STAC: variants seen among roughly 807,000 people sequenced by gnomAD.
STAC encodes the protein SH3 and cysteine-rich domain-containing protein.
In STAC, 43 loss-of-function variants were observed where a neutral mutation model predicts 48.8. The ratio of observed to expected loss-of-function variants is 0.88; its 90% CI spans 0.69 to 1.14. The LOEUF (loss-of-function observed/expected upper bound fraction) is 1.14, where lower values mean the gene tolerates loss of function less well. STAC is among the 50% of genes most tolerant of loss of function. The probability of loss-of-function intolerance (pLI) is 0.00; values close to 1 mark genes in which losing one functional copy is unlikely to be tolerated. For synonymous variants in STAC, 193 were observed against 179.5 expected, an observed-to-expected ratio of 1.07 and a Z score of -0.60; for missense variants, 497 against 504.0, an observed-to-expected ratio of 0.99 and a Z score of 0.13.
At chr3:36,445,729 A>G (rs1282328121) in intron 2 of STAC, among the ~76,000 whole-genome samples, 1 of 152,202 alleles carries the variant, frequency 6.6e-6, no homozygotes, top group Non-Finnish European at 1.5e-5. Context: ...TTAGGGAAAG[A>G]CTACCTGCTA....
chr3:36,382,589 G>A (rs1196104520), intron 1 of STAC, among the ~76,000 whole-genome samples: 1 of 152,170 alleles, frequency 6.6e-6, no homozygotes, highest in African/African-American at 2.4e-5. Flanking sequence ...AACTATGGCA[G>A]CCCATGAACC....
At chr3:36,405,865 G>C (rs560594963) in intron 1 of STAC, among the ~76,000 whole-genome samples, 2 of 152,250 alleles carry the variant, frequency 1.3e-5, no homozygotes, top group East Asian at 3.9e-4. Context: ...GACTACAGGC[G>C]CATGCCACCA....
intron 1 of STAC, among the ~76,000 whole-genome samples, chr3:36,441,857 T>C (rs1696359210): frequency 6.6e-6 from 1 of 152,228 alleles, no homozygotes; most frequent in African/African-American, 2.4e-5. Context: ...TTTTAAAATA[T>C]ATTTGTCAGC....
chr3:36,488,485 T>C (rs1047054156), intron 5 of STAC, among the ~76,000 whole-genome samples: 2 of 152,132 alleles, frequency 1.3e-5, no homozygotes, highest in Admixed American at 1.3e-4. Context: ...TTCCCAGGGG[T>C]CTGCTTTTGC....
chr3:36,436,280 T>C (rs137869452), intron 1 of STAC, among the ~76,000 whole-genome samples: 169 of 152,316 alleles, frequency 1.1e-3, no homozygotes, highest in African/African-American at 3.8e-3. Context: ...TCTCCCAACT[T>C]GTCTCCCTGT....
intron 1 of STAC, among the ~76,000 whole-genome samples, chr3:36,432,629 G>A (rs1201809716): frequency 6.6e-6 from 1 of 152,120 alleles, no homozygotes. Context: ...CTTGAGCCCA[G>A]GAGGCGGAGG....
chr3:36,502,980 A>T (rs1483065879), intron 6 of STAC, among the ~76,000 whole-genome samples: 1 of 152,232 alleles, frequency 6.6e-6, no homozygotes, highest in Non-Finnish European at 1.5e-5. Context: ...GTACATTTAC[A>T]GAGGCTCTTG....
intron 7 of STAC, among the ~76,000 whole-genome samples, 159 bp from the exon 8 acceptor site, chr3:36,505,586 TG>T (rs1184708459): frequency 6.6e-6 from 1 of 152,176 alleles, no homozygotes; most frequent in African/African-American, 2.4e-5. Flanking sequence ...TAAAAATAAA[TG>T]CAAAGTTGAC....
At chr3:36,427,570 T>C (rs1251507335) in intron 1 of STAC, among the ~76,000 whole-genome samples, 1 of 152,208 alleles carries the variant, frequency 6.6e-6, no homozygotes, top group African/African-American at 2.4e-5. Context: ...TAAGTCTACC[T>C]GGGCTTTAGA....
At chr3:36,427,442 T>C (rs1700591789) in intron 1 of STAC, among the ~76,000 whole-genome samples, 1 of 152,160 alleles carries the variant, frequency 6.6e-6, no homozygotes. Flanking sequence ...CTTTGTTCTG[T>C]CTCCCCAAAG....
intron 1 of STAC, among the ~76,000 whole-genome samples, chr3:36,403,481 T>C (rs1700036015): frequency 6.6e-6 from 1 of 150,748 alleles, no homozygotes; most frequent in African/African-American, 2.4e-5. Context: ...AATTTTTTAA[T>C]AGAAAAAAAT....
chr3:36,469,684 A>T (rs1697272373), intron 2 of STAC, among the ~76,000 whole-genome samples: 1 of 152,174 alleles, frequency 6.6e-6, no homozygotes, highest in Admixed American at 6.5e-5. Context: ...CTAAACTTGT[A>T]GATTTCTCTT....
intron 8 of STAC, among the ~76,000 whole-genome samples, chr3:36,524,429 T>C (rs531458601): frequency 7.0e-4 from 107 of 152,004 alleles, no homozygotes; most frequent in Non-Finnish European, 1.2e-3. Flanking sequence ...CTGTCTCTAC[T>C]AAAAATACAA....
intron 1 of STAC, among the ~76,000 whole-genome samples, chr3:36,392,896 T>C (rs1232967004): frequency 6.6e-6 from 1 of 152,186 alleles, no homozygotes; most frequent in Non-Finnish European, 1.5e-5. Flanking sequence ...TCCAGCACTA[T>C]TCCTGTTGTA....
At chr3:36,389,490 A>C (rs1699705473) in intron 1 of STAC, among the ~76,000 whole-genome samples, 3 of 152,160 alleles carry the variant, frequency 2.0e-5, no homozygotes, top group African/African-American at 7.2e-5. Context: ...TTAATTTTCA[A>C]CAAATGAATT....
At chr3:36,450,149 C>T (rs1456079) in intron 2 of STAC, among the ~76,000 whole-genome samples, 106,929 of 152,116 alleles carry the variant, frequency 0.7, 38,129 homozygotes, top group African/African-American at 0.82. Flanking sequence ...TCCTTGAAGA[C>T]ACAGCCAGCT....
In STAC at chr3:36,546,537, T is replaced by A; in HGVS notation, c.*248T>A. ...CAGCAGGCAGAGCCAGATGCCATGC[T>A]TGGCAGCAGCAGTAGGACTATAAAC... On this transcript the variant is annotated 3_prime_UTR_variant, in exon 11 of 11. Transcript: ENST00000273183. 1 of 554,468 alleles carries A rather than the reference T, an allele frequency of 1.8e-6. No homozygotes were observed. The highest frequency in any genetic ancestry group is 3.2e-6 in the Non-Finnish European group (1 of 310,902). 34.3% of individuals were successfully genotyped at this position (554,468 alleles called of 1,614,324 possible).
intron 1 of STAC, among the ~76,000 whole-genome samples, chr3:36,388,652 C>A (rs1699675412): frequency 6.6e-6 from 1 of 151,898 alleles, no homozygotes; most frequent in Non-Finnish European, 1.5e-5. Context: ...GAATTTATAT[C>A]ATTATGTAGT....
intron 1 of STAC, among the ~76,000 whole-genome samples, chr3:36,421,177 A>T (rs1297128342): frequency 6.6e-6 from 1 of 152,174 alleles, no homozygotes; most frequent in Non-Finnish European, 1.5e-5. Flanking sequence ...TTTTAAAAGT[A>T]GTTTTCTTAT....
Sources: gnomAD v4.1 joint callset for allele counts (sites outside exome capture counted in the v4.1 genomes callset) on GRCh38, gnomAD v4.1.1 for gene constraint, MANE v1.5 for transcripts, NCBI Gene and HGNC (gene_info 2026-07-23, HGNC 2026-07-21) for gene names.